VSIG1: variants seen among roughly 807,000 people sequenced by gnomAD.
VSIG1 encodes the protein V-set and immunoglobulin domain containing 1.
In VSIG1, 11 loss-of-function variants were observed where a neutral mutation model predicts 20.1. The ratio of observed to expected loss-of-function variants is 0.55; its 90% CI spans 0.34 to 0.91. The LOEUF (loss-of-function observed/expected upper bound fraction) is 0.91. Among genes scored for constraint, VSIG1 ranks in the 40% least tolerant of loss-of-function variants. The probability of loss-of-function intolerance (pLI) is 0.02; values close to 1 mark genes in which losing one functional copy is unlikely to be tolerated. For synonymous variants in VSIG1, 126 were observed against 116.7 expected (o/e 1.08, Z -0.52); for missense variants, 283 against 298.8 (o/e 0.95, Z 0.39).
chrX:108,024,334 T>A, the VSIG1 span, among the ~76,000 whole-genome samples: 1 of 111,301 alleles, frequency 9.0e-6, no homozygotes, highest in Non-Finnish European at 1.9e-5. Flanking sequence ...TTGAGTCTTT[T>A]ATTTTTGATC....
chrX:108,040,608 T>G (rs945609709), upstream of VSIG1, among the ~76,000 whole-genome samples: 10 of 111,544 alleles, frequency 9.0e-5, no homozygotes, highest in Admixed American at 2.9e-4. Context: ...GACAAAAGGA[T>G]GTTCATTGCA....
At chrX:108,064,635 G>C (rs1206649332) in intron 2 of VSIG1, 12 of 469,923 alleles carry the variant, frequency 2.6e-5, no homozygotes, top group Non-Finnish European at 2.9e-5. Context: ...CCTCAGGCGT[G>C]ACTGATGTTG....
At chrX:108,065,743 G>T (rs2147929935) in intron 2 of VSIG1, among the ~76,000 whole-genome samples, 1 of 112,021 alleles carries the variant, frequency 8.9e-6, no homozygotes, top group South Asian at 3.7e-4. Flanking sequence ...GGAAGTCATA[G>T]ATTTAATGTG....
chrX:108,072,202 C>T (rs2031262443), intron 3 of VSIG1, among the ~76,000 whole-genome samples: 2 of 110,048 alleles, frequency 1.8e-5, no homozygotes, highest in Non-Finnish European at 1.9e-5. Flanking sequence ...CTGAAGTGCT[C>T]TACTCCCACC....
At chrX:108,053,650 A>ATTATAT (rs937285175) in intron 1 of VSIG1, among the ~76,000 whole-genome samples, 34 of 111,756 alleles carry the variant, frequency 3.0e-4, no homozygotes, top group African/African-American at 1.1e-3. Flanking sequence ...ACATTAAATA[A>ATTATAT]TTATATTGAA....
At chrX:108,070,128 T>G (rs1411555951) in intron 3 of VSIG1, among the ~76,000 whole-genome samples, 1 of 112,836 alleles carries the variant, frequency 8.9e-6, no homozygotes, top group East Asian at 2.8e-4. Context: ...GCATTTGGAA[T>G]GAGCATCATC....
At chrX:108,075,327 C>T (rs947145304) in intron 5 of VSIG1, among the ~76,000 whole-genome samples, 6 of 112,116 alleles carry the variant, frequency 5.4e-5, no homozygotes, top group African/African-American at 1.6e-4. Flanking sequence ...GACTCAGAAA[C>T]GGGAAGGAGT....
chrX:108,063,289 A>C (rs1192891807), intron 2 of VSIG1, among the ~76,000 whole-genome samples: 1 of 111,563 alleles, frequency 9.0e-6, no homozygotes, highest in Non-Finnish European at 1.9e-5. Context: ...CTTAAGAAGC[A>C]CTGTGAGTGC....
chrX:108,024,619 G>A, the VSIG1 span, among the ~76,000 whole-genome samples: 7 of 109,654 alleles, frequency 6.4e-5, no homozygotes, highest in Non-Finnish European at 9.5e-5. Context: ...TGTTTCTGCT[G>A]CATCCCACAA....
chrX:108,044,163 C>T (rs1477803907), upstream of VSIG1, among the ~76,000 whole-genome samples: 2 of 111,644 alleles, frequency 1.8e-5, no homozygotes, highest in African/African-American at 6.5e-5. Flanking sequence ...AGAAAGAACA[C>T]ATCTGAAAGT....
rs766303832 is a variant in VSIG1, at chrX:108,058,142, C to A, written c.154C>A (p.Arg52=). The A allele has an allele frequency of 2.4e-5, 29 of 1,208,985 alleles. No homozygotes were observed. The highest frequency in any genetic ancestry group is 3.0e-5 in the Non-Finnish European group (27 of 894,666). The change falls in exon 2 of 7, where the codon CGA becomes AGA. Residue 52 remains arginine (R), a synonymous_variant. Coordinates refer to ENST00000217957, the MANE Select transcript of VSIG1 (RefSeq NM_182607.5). Reference sequence around the variant, plus strand: ...CATCTACACCACCACTGTGGCCTCCCGAGAACAGCTTTCCATCCAGTGGTC... The same window carrying A: ...CATCTACACCACCACTGTGGCCTCCAGAGAACAGCTTTCCATCCAGTGGTC... The part of the protein sequence containing the change: ...ICIYTTTVAS[R]EQLSIQWSFF...
upstream of VSIG1, among the ~76,000 whole-genome samples, chrX:108,040,247 T>C (rs186886483): frequency 9.0e-6 from 1 of 111,455 alleles, no homozygotes; most frequent in Admixed American, 9.5e-5. Flanking sequence ...GGAATACCAG[T>C]TAGGCCAGTA....
intron 1 of VSIG1, among the ~76,000 whole-genome samples, chrX:108,054,577 A>G (rs2030853597): frequency 9.0e-6 from 1 of 111,208 alleles, no homozygotes; most frequent in South Asian, 3.8e-4. Flanking sequence ...TGGCCGTAAA[A>G]CAAACCTAAA....
At chrX:108,027,217 T>G in the VSIG1 span, among the ~76,000 whole-genome samples, 25 of 111,784 alleles carry the variant, frequency 2.2e-4, 1 homozygote, top group East Asian at 6.7e-3. Context: ...GAAAATCCTA[T>G]GCATAAATGT....
In VSIG1 at chrX:108,058,872, C is replaced by A. The variant is rs1403616967; in HGVS notation, c.213+671C>A. On this transcript the variant is annotated intron_variant, in intron 2 of 6. Coordinates refer to ENST00000217957, the MANE Select transcript of VSIG1 (RefSeq NM_182607.5). ...CTATTCCCAGGTTTCCTTCATCAGG[C>A]CTTGAGGGAAATTCCTTCTTTAGCC... 3.6e-5 allele frequency among the ~76,000 whole-genome samples: 4 copies of A among 111,490 alleles called. No homozygotes were observed. The South Asian group carries it at 1.5e-3, about 42-fold the overall frequency.
Position 108,054,711 on chromosome X carries a change from C to T in VSIG1, c.50-3327C>T, listed in dbSNP as rs1217069318. On this transcript the variant is annotated intron_variant, in intron 1 of 6. Coordinates refer to ENST00000217957, the MANE Select transcript of VSIG1 (RefSeq NM_182607.5). Reference sequence around the variant, plus strand: ...TTAAACAACACTGTTCTAAATAATCCGTGGATCAAAGAGGAAATCTCAAAA... The same window carrying T: ...TTAAACAACACTGTTCTAAATAATCTGTGGATCAAAGAGGAAATCTCAAAA... Among the ~76,000 whole-genome samples the T allele has an allele frequency of 3.6e-5, 4 of 109,989 alleles. No homozygotes were observed. In the Admixed American group the frequency reaches 3.9e-4, roughly 11 times the overall value.
At chrX:108,059,763 C>A (rs1321169755) in intron 2 of VSIG1, among the ~76,000 whole-genome samples, 1 of 112,434 alleles carries the variant, frequency 8.9e-6, no homozygotes, top group East Asian at 2.8e-4. Flanking sequence ...TTTTGAAATT[C>A]AATTTCCGGA....
intron 1 of VSIG1, among the ~76,000 whole-genome samples, chrX:108,056,292 A>G (rs925590322): frequency 8.9e-6 from 1 of 111,789 alleles, no homozygotes; most frequent in Non-Finnish European, 1.9e-5. Flanking sequence ...AAACACCTAC[A>G]AGTAACCTAC....
chrX:108,071,465 A>C (rs1220603711), intron 3 of VSIG1, among the ~76,000 whole-genome samples: 1 of 111,792 alleles, frequency 8.9e-6, no homozygotes, highest in Non-Finnish European at 1.9e-5. Context: ...AAACCGTGCA[A>C]GTAAGTAAGA....
Sources: allele counts gnomAD v4.1 joint callset (sites outside exome capture counted in the v4.1 genomes callset), GRCh38; gene constraint gnomAD v4.1.1; transcripts MANE v1.5; gene names NCBI Gene and HGNC (gene_info 2026-07-23, HGNC 2026-07-21).